Variants in ADSL observed in about 807,000 individuals in gnomAD.
ADSL encodes adenylosuccinase.
ADSL carries 44 observed loss-of-function variants against 62.1 expected under a neutral mutation model. The observed-to-expected ratio is 0.71, with a 90% CI of 0.56 to 0.91. The LOEUF (loss-of-function observed/expected upper bound fraction) is 0.91, where lower values mean the gene tolerates loss of function less well. Among genes scored for constraint, ADSL ranks in the 40% least tolerant of loss-of-function variants. The probability of loss-of-function intolerance (pLI) is 0.00; values close to 1 mark genes in which losing one functional copy is unlikely to be tolerated. For synonymous variants in ADSL, 198 were observed against 220.5 expected (o/e 0.90, Z 0.90); for missense variants, 531 against 627.4 (o/e 0.85, Z 1.64).
intron 3 of ADSL, 23 bp downstream of exon 3, chr22:40,353,140 C>A: frequency 8.1e-6 from 13 of 1,602,420 alleles, no homozygotes; most frequent in Non-Finnish European, 1.1e-5. Flanking sequence ...CAGATGTTTC[C>A]TACCAACCCT....
At chr22:40,358,292 T>C (rs981870618) in intron 4 of ADSL, among the ~76,000 whole-genome samples, 1 of 152,136 alleles carries the variant, frequency 6.6e-6, no homozygotes, top group Non-Finnish European at 1.5e-5. Context: ...TATAATAAAT[T>C]GTCTCTTGCC....
chr22:40,349,245 A>C (rs1389105106), intron 1 of ADSL, among the ~76,000 whole-genome samples: 1 of 152,156 alleles, frequency 6.6e-6, no homozygotes, highest in Non-Finnish European at 1.5e-5. Flanking sequence ...AAGTCAGGGA[A>C]GACCTCTTTG....
intron 2 of ADSL, chr22:40,376,618 A>T (rs536344351): frequency 3.9e-4 from 59 of 152,202 alleles, no homozygotes; most frequent in African/African-American, 1.4e-3. Flanking sequence ...ATTTGTATTA[A>T]CTCACAATCC....
At position 40,369,154 on chromosome 22, in the gene ADSL, A is replaced by G. The variant is rs2146685692; in HGVS notation, c.*2632A>G. 1 of 152,292 alleles carries G rather than the reference A, an allele frequency of 6.6e-6. No individual in the cohort carries two copies. Among genetic ancestry groups the G allele is most frequent in the East Asian group, 1.9e-4 (1 of 5,190 alleles). 9.4% of individuals were successfully genotyped at this position (152,292 alleles called of 1,614,324 possible). ...ATACATTTCCTCATAGAAAATAAGG[A>G]AATAACAGTCTTGTTCCTGTCCTAA... On this transcript the variant is annotated 3_prime_UTR_variant, in exon 13 of 13. Coordinates refer to ENST00000623063, the MANE Select transcript of ADSL (RefSeq NM_000026.4).
At position 40,366,640 on chromosome 22, in the gene ADSL, C is replaced by T; in HGVS notation, c.*118C>T. The T allele has an allele frequency of 1.3e-6, 1 of 764,370 alleles. No homozygotes were observed. The highest frequency in any genetic ancestry group is 2.3e-6 in the Non-Finnish European group (1 of 440,536). The allele number at this position is 764,370 out of a possible 1,614,324, so 47.3% of individuals were successfully genotyped here. Reference sequence around the variant, plus strand: ...CCTTAAATTAGTACAGCACTTTCTTCTTCCCATGGTGCTTTCCTGTTTCTC... The same window carrying T: ...CCTTAAATTAGTACAGCACTTTCTTTTTCCCATGGTGCTTTCCTGTTTCTC... On this transcript the variant is annotated 3_prime_UTR_variant, in exon 13 of 13. Transcript: ENST00000623063.
chr22:40,352,032 G>C (rs2044366161), intron 2 of ADSL: 1 of 152,198 alleles, frequency 6.6e-6, no homozygotes, highest in Non-Finnish European at 1.5e-5. Flanking sequence ...AGTGGGAGAA[G>C]AACAGTCTTC....
At chr22:40,365,394 G>GTA (rs2044964096) in intron 12 of ADSL, among the ~76,000 whole-genome samples, 1 of 152,046 alleles carries the variant, frequency 6.6e-6, no homozygotes, top group African/African-American at 2.4e-5. Flanking sequence ...TGAGAATGTG[G>GTA]TATAATGGAC....
rs747659878 is a variant in ADSL, at chr22:40,354,221, C to G, written c.403-27C>G. ...AATGAACACAACCTGAATTCAACCTCTTTCTATCACATGATCTTTCTTGTA... is the reference window on the plus strand; with the variant it reads ...AATGAACACAACCTGAATTCAACCTGTTTCTATCACATGATCTTTCTTGTA... On this transcript the variant is annotated intron_variant, in intron 3 of 12. Transcript: ENST00000623063. The G allele has an allele frequency of 2.5e-6, 4 of 1,606,276 alleles. No individual in the cohort carries two copies. The Admixed American group carries it at 5.0e-5, about 20-fold the overall frequency.
At chr22:40,351,730 C>T (rs766616783) in intron 2 of ADSL, among the ~76,000 whole-genome samples, 11 of 151,998 alleles carry the variant, frequency 7.2e-5, no homozygotes, top group Non-Finnish European at 1.2e-4. Flanking sequence ...TTTTTTGAGA[C>T]GGAGTCTCGC....
intron 2 of ADSL, among the ~76,000 whole-genome samples, chr22:40,351,775 T>G (rs1387705057): frequency 6.6e-6 from 1 of 152,150 alleles, no homozygotes; most frequent in African/African-American, 2.4e-5. Flanking sequence ...TGCCTCAGCC[T>G]TCCAAGTAGC....
intron 2 of ADSL, 59 bp downstream of exon 2, chr22:40,350,094 T>C: frequency 6.5e-7 from 1 of 1,529,494 alleles, no homozygotes; most frequent in Non-Finnish European, 9.1e-7. Flanking sequence ...TTGTCAATTT[T>C]ATTTGATGTT....
rs1280779898 is a variant in ADSL at position 40,366,465 on chromosome 22, TC to T, written c.1402del (p.Leu468CysfsTer2). On this transcript the variant is annotated frameshift_variant, in exon 13 of 13. Transcript: ENST00000623063. LOFTEE classifies it high-confidence loss of function. Reference sequence around the variant, plus strand: ...AGAGATTCTTAGAAGAGGAGGTGTATCCCCTGTTAAAACCATATGAAAGCGT... The same window carrying T: ...AGAGATTCTTAGAAGAGGAGGTGTATCCCTGTTAAAACCATATGAAAGCGT... ...VQRFLEEEVY[P>X]LLKPYESVMK... 1 of 1,613,220 alleles carries T rather than the reference TC, an allele frequency of 6.2e-7. No homozygotes were observed. Among genetic ancestry groups the T allele is most frequent in the Non-Finnish European group, 8.5e-7 (1 of 1,179,224 alleles).
At chr22:40,384,444 C>A (rs899894347) in intron 2 of ADSL, among the ~76,000 whole-genome samples, 1 of 151,970 alleles carries the variant, frequency 6.6e-6, no homozygotes, top group Non-Finnish European at 1.5e-5. Flanking sequence ...TAGGGAGACC[C>A]CCATCTCCAA....
chr22:40,381,860 G>A lies in ADSL; in HGVS notation c.90-8370G>A, dbSNP rs572928463. ...CTTAGTCCCAGCTACTCAGGAGGCT[G>A]GGGTGGAAGGATGGTTTGAGCCCAG... On this transcript the variant is annotated intron_variant, in intron 2 of 2. Transcript: ENST00000498234. 3.3e-5 allele frequency among the ~76,000 whole-genome samples: 5 copies of A among 152,318 alleles called. No homozygotes were observed. In the South Asian group the frequency reaches 1.0e-3, roughly 32 times the overall value.
At chr22:40,354,353 T>G in intron 4 of ADSL, 26 bp downstream of exon 4, 1 of 1,557,312 alleles carries the variant, frequency 6.4e-7, no homozygotes, top group Non-Finnish European at 8.9e-7. Context: ...ACTTCTTGTT[T>G]ATGTGCATAT....
chr22:40,378,839 C>T (rs2047083774), intron 2 of ADSL, among the ~76,000 whole-genome samples: 1 of 152,198 alleles, frequency 6.6e-6, no homozygotes, highest in South Asian at 2.1e-4. Context: ...TCTAAATCTG[C>T]AGACTCCGAG....
At chr22:40,386,384 C>T (rs997812369) in intron 2 of ADSL, among the ~76,000 whole-genome samples, 1 of 151,996 alleles carries the variant, frequency 6.6e-6, no homozygotes, top group African/African-American at 2.4e-5. Context: ...AACCTCGTGA[C>T]GTATCTTCTG....
rs1280722978 is a variant in ADSL, at chr22:40,369,334, T to C, written c.*2812T>C. The C allele has an allele frequency of 6.6e-6, 1 of 151,848 alleles. No individual in the cohort carries two copies. Among genetic ancestry groups the C allele is most frequent in the African/African-American group, 2.4e-5 (1 of 41,328 alleles). The allele number at this position is 151,848 out of a possible 1,614,324, so 9.4% of individuals were successfully genotyped here. ...ATTTACATACTTGTATGCAACTTTG[T>C]AATCTGATTTTCCCATGTAACATTT... On this transcript the variant is annotated 3_prime_UTR_variant, in exon 13 of 13. Coordinates refer to ENST00000623063, the MANE Select transcript of ADSL (RefSeq NM_000026.4).
chr22:40,381,221 C>T (rs2047516294), intron 2 of ADSL, among the ~76,000 whole-genome samples: 2 of 151,816 alleles, frequency 1.3e-5, no homozygotes, highest in Admixed American at 6.6e-5. Context: ...GATTTTGGCT[C>T]ATTGCAACCT....
Sources: gnomAD v4.1 joint callset for allele counts (sites outside exome capture counted in the v4.1 genomes callset) on GRCh38, gnomAD v4.1.1 for gene constraint, MANE v1.5 for transcripts, NCBI Gene and HGNC (gene_info 2026-07-23, HGNC 2026-07-21) for gene names.